Variants in BRD10 observed in about 807,000 individuals in gnomAD.
BRD10 encodes the protein bromodomain containing 10.
the BRD10 span, among the ~76,000 whole-genome samples, chr9:5,981,771 C>A: frequency 6.6e-6 from 1 of 152,076 alleles, no homozygotes; most frequent in African/African-American, 2.4e-5. Context: ...AATGGATACA[C>A]TGAAATACAG....
At chr9:5,908,988 T>G in the BRD10 span, 1 of 389,978 alleles carries the variant, frequency 2.6e-6, no homozygotes, top group East Asian at 5.0e-5. Flanking sequence ...GGTGTTATTT[T>G]CTGAGAGACA....
At chr9:5,933,170 C>CT in the BRD10 span, among the ~76,000 whole-genome samples, 1 of 152,154 alleles carries the variant, frequency 6.6e-6, no homozygotes, top group Admixed American at 6.5e-5. Context: ...CTTTATGCAT[C>CT]TAATTTTAGT....
At chr9:5,944,149 G>GT in the BRD10 span, among the ~76,000 whole-genome samples, 9 of 151,982 alleles carry the variant, frequency 5.9e-5, no homozygotes, top group Admixed American at 6.6e-5. Context: ...TTTTCTTCAG[G>GT]TTTAAAGCCT....
chr9:5,896,360 C>T, the BRD10 span, among the ~76,000 whole-genome samples: 1 of 152,308 alleles, frequency 6.6e-6, no homozygotes, highest in Non-Finnish European at 1.5e-5. Context: ...GTCTCAGCTT[C>T]CTGATCTATA....
chr9:5,959,200 C>A, the BRD10 span, among the ~76,000 whole-genome samples: 1 of 152,110 alleles, frequency 6.6e-6, no homozygotes, highest in African/African-American at 2.4e-5. Context: ...CATAATCAAT[C>A]CTTACCTGGA....
chr9:5,978,051 T>C, the BRD10 span, among the ~76,000 whole-genome samples: 1 of 152,148 alleles, frequency 6.6e-6, no homozygotes, highest in Admixed American at 6.5e-5. Flanking sequence ...AAAAATAACA[T>C]TTGCTATTTT....
At chr9:5,968,899 A>T in the BRD10 span, 1 of 1,613,048 alleles carries the variant, frequency 6.2e-7, no homozygotes, top group South Asian at 1.1e-5. Flanking sequence ...CAGCATCTTG[A>T]ACTTCCTTTT....
At chr9:5,919,543 AACAC>A in the BRD10 span, 629 of 396,812 alleles carry the variant, frequency 1.6e-3, no homozygotes, top group Middle Eastern at 3.8e-3. Context: ...GATACATTAA[AACAC>A]ACACACACAC....
the BRD10 span, among the ~76,000 whole-genome samples, chr9:6,005,685 G>A: frequency 6.6e-6 from 1 of 152,118 alleles, no homozygotes; most frequent in African/African-American, 2.4e-5. Flanking sequence ...AAAATCTTGT[G>A]ACATCAATCA....
chr9:5,906,519 T>C, the BRD10 span, among the ~76,000 whole-genome samples: 1 of 152,256 alleles, frequency 6.6e-6, no homozygotes, highest in Non-Finnish European at 1.5e-5. Context: ...CAATTTTTGC[T>C]TGACAAAGTC....
At chr9:5,976,847 T>C in the BRD10 span, among the ~76,000 whole-genome samples, 2 of 152,060 alleles carry the variant, frequency 1.3e-5, no homozygotes, top group Non-Finnish European at 2.9e-5. Flanking sequence ...TACATTTTGT[T>C]CTGACAGAGA....
the BRD10 span, among the ~76,000 whole-genome samples, chr9:5,957,140 T>C: frequency 1.3e-5 from 2 of 152,142 alleles, no homozygotes; most frequent in African/African-American, 2.4e-5. Flanking sequence ...GAACCTGCTG[T>C]GTGTCAGATA....
At chr9:5,921,028 G>A in the BRD10 span, 20,474 of 1,613,826 alleles carry the variant, frequency 0.013, 168 homozygotes, top group Non-Finnish European at 0.015. Context: ...AATTTGCTCC[G>A]GTAACTGAAA....
At chr9:5,960,905 C>A in the BRD10 span, among the ~76,000 whole-genome samples, 1 of 152,004 alleles carries the variant, frequency 6.6e-6, no homozygotes, top group African/African-American at 2.4e-5. Context: ...ATTTATTGCC[C>A]AAAGATGTTC....
At chr9:5,924,876 T>C in the BRD10 span, 1 of 1,349,884 alleles carries the variant, frequency 7.4e-7, no homozygotes, top group South Asian at 2.2e-5. Context: ...TAATAAATAA[T>C]ACATATGATT....
At chr9:5,982,580 C>T in the BRD10 span, among the ~76,000 whole-genome samples, 1 of 152,214 alleles carries the variant, frequency 6.6e-6, no homozygotes, top group Admixed American at 6.5e-5. Context: ...ATGCCCTGTG[C>T]AGTTTCGGGA....
chr9:6,006,495 T>G, the BRD10 span, among the ~76,000 whole-genome samples: 2 of 152,232 alleles, frequency 1.3e-5, no homozygotes, highest in African/African-American at 4.8e-5. Flanking sequence ...TCCTCTTGTG[T>G]TAAATAATTG....
chr9:5,937,019 C>T, the BRD10 span, among the ~76,000 whole-genome samples: 2 of 151,382 alleles, frequency 1.3e-5, no homozygotes, highest in Non-Finnish European at 2.9e-5. Flanking sequence ...ATCACAAGGT[C>T]AGGAGTTCGA....
At chr9:5,979,676 TGAG>T in the BRD10 span, among the ~76,000 whole-genome samples, 1 of 152,142 alleles carries the variant, frequency 6.6e-6, no homozygotes, top group Non-Finnish European at 1.5e-5. Context: ...GAAATTTACT[TGAG>T]GAGAACCAAT....
Sources: gnomAD v4.1 joint callset for allele counts (sites outside exome capture counted in the v4.1 genomes callset) on GRCh38, gnomAD v4.1.1 for gene constraint, MANE v1.5 for transcripts, NCBI Gene and HGNC (gene_info 2026-07-23, HGNC 2026-07-21) for gene names.